The following USP24 variants were observed in gnomAD, a reference collection of about 807,000 sequenced individuals.
USP24 encodes the protein ubiquitin specific peptidase 24.
Under a neutral mutation model 361.6 loss-of-function variants are expected in USP24, and 97 were observed. The ratio of observed to expected loss-of-function variants is 0.27; its 90% confidence interval spans 0.23 to 0.32. The LOEUF (loss-of-function observed/expected upper bound fraction) is 0.32, where lower values mean the gene tolerates loss of function less well. USP24 is among the 10% of genes least tolerant of loss of function. The probability of loss-of-function intolerance (pLI) is 1.00; values close to 1 mark genes in which losing one functional copy is unlikely to be tolerated. For synonymous variants in USP24, 1,098 were observed against 1,124.6 expected, an observed-to-expected ratio of 0.98 and a Z score of 0.47; for missense variants, 2,353 against 3,165.6, an observed-to-expected ratio of 0.74 and a Z score of 6.16.
intron 1 of USP24, among the ~76,000 whole-genome samples, chr1:55,194,576 T>C (rs1361147140): frequency 6.6e-6 from 1 of 151,788 alleles, no homozygotes; most frequent in East Asian, 1.9e-4. Flanking sequence ...TACTCCAGGC[T>C]GGGCGACAGA....
At chr1:55,077,417 A>G in intron 61 of USP24, 117 bp from the exon 62 acceptor site, 1 of 768,524 alleles carries the variant, frequency 1.3e-6, no homozygotes, top group Non-Finnish European at 1.9e-6. Flanking sequence ...GGACAAGTCA[A>G]TACTGCTTTC....
At chr1:55,122,908 G>C (rs972201453) in intron 36 of USP24, among the ~76,000 whole-genome samples, 1 of 152,054 alleles carries the variant, frequency 6.6e-6, no homozygotes, top group African/African-American at 2.4e-5. Flanking sequence ...CCAAATTTAG[G>C]TGTTGTCAAC....
At position 55,107,841 on chromosome 1, in the gene USP24, CAAAAAAAAAA is replaced by C. The variant is rs777328294; in HGVS notation, c.4571-421_4571-412del. 1.9e-3 allele frequency among the ~76,000 whole-genome samples: 71 copies of C among 38,266 alleles called. 1 individual carries two copies. The highest frequency in any genetic ancestry group is 6.4e-3 in the African/African-American group (67 of 10,402). 25.1% of individuals were successfully genotyped at this position (38,266 alleles called of 152,430 possible). A position where few individuals can be genotyped will look rare whatever the true frequency, so the allele number is the denominator to read the frequency against. On this transcript the variant is annotated intron_variant, in intron 39 of 67. Coordinates refer to ENST00000294383, the MANE Select transcript of USP24 (RefSeq NM_015306.3). ...TGGGCAAAAGAGCAAGACTCTGTCT[CAAAAAAAAAA>C]AAAAAAAAAAAAAAACACACAAAAA...
intron 31 of USP24, among the ~76,000 whole-genome samples, chr1:55,130,632 T>C (rs1208273318): frequency 6.6e-6 from 1 of 152,182 alleles, no homozygotes; most frequent in African/African-American, 2.4e-5. Context: ...CCTGGGATAA[T>C]GAGCATTACA....
intron 1 of USP24, among the ~76,000 whole-genome samples, chr1:55,208,997 C>T (rs886071298): frequency 1.3e-5 from 2 of 151,438 alleles, no homozygotes; most frequent in Admixed American, 6.6e-5. Flanking sequence ...ATGAGCTTAA[C>T]GAAAATTTTT....
chr1:55,150,355 T>C (rs971896087), intron 16 of USP24, among the ~76,000 whole-genome samples: 15 of 152,188 alleles, frequency 9.9e-5, no homozygotes, highest in African/African-American at 3.6e-4. Flanking sequence ...TTTTTCTTCT[T>C]TGCAAGTTTA....
Position 55,138,681 on chromosome 1 carries a change from C to A in USP24, c.2855G>T (p.Gly952Val). 1 of 1,612,788 alleles carries A rather than the reference C, an allele frequency of 6.2e-7. No individual in the cohort carries two copies. The highest frequency in any genetic ancestry group is 8.5e-7 in the Non-Finnish European group (1 of 1,179,384). ...YSVPRTILPH[G>V]ASFHGHLLTL... is the part of the protein sequence containing the mutation. ...TAAAAGATGTCCATGAAATGAGGCA[C>A]CATGAGGTAGAATAGTTCGTGGAAC... The change falls in exon 26 of 68, where the codon GGT becomes GTT. Residue 952 changes from glycine to valine, a missense_variant. Around this residue, in one of 8 missense-constraint regions of USP24, gnomAD observed 949 missense variants for 1,280.5 expected, o/e 0.74. Transcript: ENST00000294383.
intron 53 of USP24, 41 bp from the exon 54 acceptor site, chr1:55,092,167 GT>G (rs766905689): frequency 3.6e-5 from 48 of 1,321,288 alleles, no homozygotes; most frequent in Admixed American, 2.9e-4. Flanking sequence ...TTTCACAGAA[GT>G]TTTATAGATT....
At chr1:55,156,901 A>T in intron 12 of USP24, 47 bp downstream of exon 12, 1 of 1,381,492 alleles carries the variant, frequency 7.2e-7, no homozygotes, top group Non-Finnish European at 1.0e-6. Flanking sequence ...GCTCTCCTGT[A>T]GTCCAAAAAC....
Position 55,177,985 on chromosome 1 carries a change from T to C in USP24, c.472A>G (p.Thr158Ala), listed in dbSNP as rs186427081. Residue 158 changes from threonine to alanine, a missense_variant, in exon 2 of 68, where the codon ACC becomes GCC. This residue lies in a region of USP24 where 253 missense variants were observed against 255.3 expected (regional missense o/e 0.99). Transcript: ENST00000294383. ...AACTTACCAAGTCTTGCTAGGTAGG[T>C]AGATGCCAACAGGCATTTGCCTAGT... ...ESLGKCLLASTYLARLGLSES... is the reference protein window; with the variant it reads ...ESLGKCLLASAYLARLGLSES... 3.7e-3 allele frequency: 5,810 copies of C among 1,551,610 alleles called. 21 individuals are homozygous for C. The highest frequency in any genetic ancestry group is 5.4e-3 in the Admixed American group (275 of 50,976).
chr1:55,201,404 C>T (rs952253525), intron 1 of USP24, among the ~76,000 whole-genome samples: 1 of 151,244 alleles, frequency 6.6e-6, no homozygotes, highest in African/African-American at 2.4e-5. Flanking sequence ...AGTTTGAGAC[C>T]AGCCTGGCCA....
Position 55,110,127 on chromosome 1 carries a change from G to T in USP24, c.4570+58C>A, listed in dbSNP as rs1019240051. ...AAATCATATTTAGAAATGTCCGTGT[G>T]ACTTTCTCTTCTACTCTTCCCCAGC... On this transcript the variant is annotated intron_variant, in intron 39 of 67. Coordinates refer to ENST00000294383, the MANE Select transcript of USP24 (RefSeq NM_015306.3). 2.3e-5 allele frequency: 31 copies of T among 1,348,124 alleles called. No homozygotes were observed. The African/African-American group carries it at 3.3e-4, about 14-fold the overall frequency. The allele number at this position is 1,348,124 out of a possible 1,614,324, so 83.5% of individuals were successfully genotyped here. A position where few individuals can be genotyped will look rare whatever the true frequency, so the allele number is the denominator to read the frequency against.
intron 39 of USP24, among the ~76,000 whole-genome samples, chr1:55,107,869 C>T (rs1442382094): frequency 1.4e-5 from 1 of 71,090 alleles, no homozygotes; most frequent in Non-Finnish European, 3.4e-5. Flanking sequence ...AAAAAAAACA[C>T]ACAAAAACCC....
At position 55,077,286 on chromosome 1, in the gene USP24, C is replaced by T. The variant is rs185353600; in HGVS notation, c.7329G>A (p.Thr2443=). 12 of 1,563,212 alleles carry T rather than the reference C, an allele frequency of 7.7e-6. No homozygotes were observed. Among genetic ancestry groups the T allele is most frequent in the Admixed American group, 1.8e-5 (1 of 54,396 alleles). Residue 2443 remains threonine (T), a synonymous_variant, in exon 62 of 68, where the codon ACG becomes ACA. Coordinates refer to ENST00000294383, the MANE Select transcript of USP24 (RefSeq NM_015306.3). Reference sequence around the variant, plus strand: ...TATTCTTTAACTCATGAGGTGGAGCCGTTTCTAGTTGGTTCTGAAATATTT... The same window carrying T: ...TATTCTTTAACTCATGAGGTGGAGCTGTTTCTAGTTGGTTCTGAAATATTT... ...MLHFIKNQLE[T]APPHELKNTF...
intron 36 of USP24, among the ~76,000 whole-genome samples, 166 bp from the exon 37 acceptor site, chr1:55,121,672 A>G (rs1159158107): frequency 2.0e-5 from 3 of 152,230 alleles, no homozygotes; most frequent in Admixed American, 6.5e-5. Context: ...TTTACCCCAT[A>G]AAATTCTAAG....
chr1:55,186,037 T>A (rs1261802292), intron 1 of USP24, among the ~76,000 whole-genome samples: 1 of 151,980 alleles, frequency 6.6e-6, no homozygotes, highest in African/African-American at 2.4e-5. Flanking sequence ...CTGTACCAAG[T>A]AAAAAGAATG....
At chr1:55,116,518 A>G (rs1036477298) in intron 38 of USP24, among the ~76,000 whole-genome samples, 2 of 152,142 alleles carry the variant, frequency 1.3e-5, no homozygotes, top group Non-Finnish European at 2.9e-5. Flanking sequence ...TGGAAAGGAT[A>G]TAAGAGAGTA....
chr1:55,185,071 CT>C (rs1644091260), intron 1 of USP24, among the ~76,000 whole-genome samples: 1 of 151,950 alleles, frequency 6.6e-6, no homozygotes, highest in South Asian at 2.1e-4. Flanking sequence ...GATCCTCCCA[CT>C]TCCCAGCTCC....
At chr1:55,186,476 G>A (rs1345036307) in intron 1 of USP24, among the ~76,000 whole-genome samples, 2 of 152,148 alleles carry the variant, frequency 1.3e-5, no homozygotes, top group Non-Finnish European at 2.9e-5. Context: ...GTACACCCAT[G>A]TTCATAACCG....
Sources: gnomAD v4.1 joint callset for allele counts (sites outside exome capture counted in the v4.1 genomes callset) on GRCh38, gnomAD v4.1.1 for gene constraint, gnomAD v4.1.1 regional missense constraint, MANE v1.5 for transcripts, NCBI Gene and HGNC (gene_info 2026-07-23, HGNC 2026-07-21) for gene names.